Variants in EXOC4 observed in about 807,000 individuals in gnomAD.
The protein encoded by EXOC4 is SEC8-like 1.
Under a neutral mutation model 107.2 loss-of-function variants are expected in EXOC4, and 71 were observed. The ratio of observed to expected loss-of-function variants is 0.66; its 90% CI spans 0.55 to 0.81. The LOEUF (loss-of-function observed/expected upper bound fraction) is 0.81, where lower values mean the gene tolerates loss of function less well. EXOC4 is among the 30% of genes least tolerant of loss of function. The pLI, the probability that EXOC4 is intolerant of heterozygous loss-of-function variation, is 0.00. For missense variants in EXOC4, 1,108 were observed against 1,189.6 expected, an observed-to-expected ratio of 0.93 and a Z score of 1.01; for synonymous variants, 456 against 441.2, an observed-to-expected ratio of 1.03 and a Z score of -0.42.
intron 7 of EXOC4, among the ~76,000 whole-genome samples, chr7:133,421,681 CTTTTGTTCAAGCTA>C (rs1797610632): frequency 6.6e-6 from 1 of 152,130 alleles, no homozygotes; most frequent in Admixed American, 6.5e-5. Flanking sequence ...AATTTTCCCT[CTTTTGTTCAAGCTA>C]TTTTGAGTTG....
chr7:133,898,804 CCCATCTCTA>C (rs531734933), intron 12 of EXOC4, among the ~76,000 whole-genome samples: 114 of 146,288 alleles, frequency 7.8e-4, no homozygotes, highest in African/African-American at 2.8e-3. Context: ...ATGGTGAAAG[CCCATCTCTA>C]CCAAAAGTAC....
intron 9 of EXOC4, among the ~76,000 whole-genome samples, chr7:133,513,557 T>C (rs536866384): frequency 6.6e-6 from 1 of 152,372 alleles, no homozygotes; most frequent in East Asian, 1.9e-4. Context: ...TTGTCCTTGA[T>C]TTAAATGATC....
Position 133,744,491 on chromosome 7 carries a change from G to A in EXOC4, c.1515-72834G>A, listed in dbSNP as rs567851355. Among the ~76,000 whole-genome samples the A allele has an allele frequency of 5.3e-5, 8 of 152,298 alleles. No homozygotes were observed. The South Asian group carries it at 1.0e-3, about 20-fold the overall frequency. ...AATGTACGAAGCTGGTATTAACTCA[G>A]TGAACCCAAAATCTAACTGATGATA... On this transcript the variant is annotated intron_variant, in intron 10 of 17. Coordinates refer to ENST00000253861, the MANE Select transcript of EXOC4 (RefSeq NM_021807.4).
At chr7:133,809,505 A>T (rs1797164320) in intron 10 of EXOC4, among the ~76,000 whole-genome samples, 1 of 152,226 alleles carries the variant, frequency 6.6e-6, no homozygotes, top group African/African-American at 2.4e-5. Flanking sequence ...AGAGCTTCTC[A>T]GTAAGGATGG....
intron 12 of EXOC4, among the ~76,000 whole-genome samples, chr7:133,900,647 G>A (rs1799430655): frequency 1.3e-5 from 2 of 152,002 alleles, no homozygotes; most frequent in African/African-American, 2.4e-5. Flanking sequence ...TAGAGATAGA[G>A]GGGAGAGAGA....
chr7:134,083,601 A>G, the EXOC4 span, among the ~76,000 whole-genome samples: 1 of 152,120 alleles, frequency 6.6e-6, no homozygotes, highest in East Asian at 1.9e-4. Context: ...CCTTGGTGGG[A>G]ACAGCTCTCA....
At chr7:134,100,941 T>TA in the EXOC4 span, among the ~76,000 whole-genome samples, 137 of 114,426 alleles carry the variant, frequency 1.2e-3, 18 homozygotes, top group South Asian at 1.6e-3. Context: ...AGACTCCATC[T>TA]AAAAAAAAAA....
intron 11 of EXOC4, among the ~76,000 whole-genome samples, chr7:133,858,543 T>C (rs575190468): frequency 6.6e-6 from 1 of 152,282 alleles, no homozygotes; most frequent in South Asian, 2.1e-4. Flanking sequence ...TGTATTTGGC[T>C]TGAAGGTCAG....
intron 9 of EXOC4, among the ~76,000 whole-genome samples, chr7:133,583,355 G>A (rs182044755): frequency 6.6e-6 from 1 of 152,254 alleles, no homozygotes; most frequent in East Asian, 1.9e-4. Flanking sequence ...AGAGCCTGTT[G>A]TGTGCTGGGC....
intron 9 of EXOC4, among the ~76,000 whole-genome samples, chr7:133,582,644 A>G (rs1390176938): frequency 6.6e-6 from 1 of 152,012 alleles, no homozygotes; most frequent in Admixed American, 6.6e-5. Flanking sequence ...TGTTGTTTAC[A>G]TGTGCAAAAT....
At chr7:133,557,487 A>T (rs1413690913) in intron 9 of EXOC4, among the ~76,000 whole-genome samples, 1 of 152,174 alleles carries the variant, frequency 6.6e-6, no homozygotes, top group African/African-American at 2.4e-5. Flanking sequence ...TTGATTTTGA[A>T]ATCAAAACGT....
chr7:133,401,287 A>G (rs1797083427), intron 7 of EXOC4, among the ~76,000 whole-genome samples: 1 of 149,810 alleles, frequency 6.7e-6, no homozygotes. Context: ...TCTCTTTCCT[A>G]TTCAGTCAAC....
chr7:133,265,780 A>G (rs1356856841), intron 1 of EXOC4, among the ~76,000 whole-genome samples: 6 of 152,220 alleles, frequency 3.9e-5, no homozygotes. Flanking sequence ...CTGTTTTCAG[A>G]AAGCATGACT....
intron 12 of EXOC4, among the ~76,000 whole-genome samples, chr7:133,907,327 C>G (rs1799588275): frequency 6.6e-6 from 1 of 151,994 alleles, no homozygotes; most frequent in Non-Finnish European, 1.5e-5. Context: ...GTAATTTAGA[C>G]TTTTAAAATA....
chr7:133,711,790 CTTA>C (rs1794898167), intron 10 of EXOC4, among the ~76,000 whole-genome samples: 2 of 152,116 alleles, frequency 1.3e-5, no homozygotes, highest in African/African-American at 4.8e-5. Flanking sequence ...ATGGGTGCCT[CTTA>C]TTATTGTCAT....
intron 9 of EXOC4, among the ~76,000 whole-genome samples, chr7:133,621,828 A>G (rs1802336662): frequency 6.6e-6 from 1 of 152,234 alleles, no homozygotes; most frequent in South Asian, 2.1e-4. Flanking sequence ...CATTCAAACC[A>G]TAGCTTTTTT....
At chr7:133,655,663 C>T (rs1459260132) in intron 10 of EXOC4, among the ~76,000 whole-genome samples, 1 of 152,206 alleles carries the variant, frequency 6.6e-6, no homozygotes, top group Non-Finnish European at 1.5e-5. Context: ...TCTTCCACCT[C>T]CACATCTTGT....
At chr7:133,340,860 G>C (rs1795645007) in intron 5 of EXOC4, among the ~76,000 whole-genome samples, 1 of 151,846 alleles carries the variant, frequency 6.6e-6, no homozygotes, top group South Asian at 2.1e-4. Context: ...CTTTGGTATT[G>C]GTTGTAATAT....
intron 10 of EXOC4, among the ~76,000 whole-genome samples, chr7:133,762,758 A>T (rs1796059194): frequency 6.6e-6 from 1 of 152,168 alleles, no homozygotes; most frequent in African/African-American, 2.4e-5. Flanking sequence ...ACACTGGAAA[A>T]CATGTAGAAT....
Sources: allele counts gnomAD v4.1 joint callset (sites outside exome capture counted in the v4.1 genomes callset), GRCh38; gene constraint gnomAD v4.1.1; transcripts MANE v1.5; gene names NCBI Gene and HGNC (gene_info 2026-07-23, HGNC 2026-07-21).